AMPD3: variants seen among roughly 807,000 people sequenced by gnomAD.
AMPD3 encodes the protein AMP deaminase 3.
In AMPD3, 57 loss-of-function variants were observed where a neutral mutation model predicts 82.3. The ratio of observed to expected loss-of-function variants is 0.69; its 90% CI spans 0.56 to 0.86. The LOEUF is 0.86. Among genes scored for constraint, AMPD3 ranks in the 40% least tolerant of loss-of-function variants. The pLI is 0.00. For missense variants in AMPD3, 870 were observed against 1,003.8 expected, an observed-to-expected ratio of 0.87 and a Z score of 1.80; for synonymous variants, 381 against 394.7, an observed-to-expected ratio of 0.97 and a Z score of 0.41.
chr11:10,485,961 A>C (rs964825025), intron 5 of AMPD3, among the ~76,000 whole-genome samples: 1 of 151,884 alleles, frequency 6.6e-6, no homozygotes, highest in African/African-American at 2.4e-5. Flanking sequence ...GTCACTCCTG[A>C]GGACCTTCTC....
chr11:10,500,503 C>A, intron 11 of AMPD3: 1 of 703,806 alleles, frequency 1.4e-6, no homozygotes, highest in South Asian at 6.4e-5. Context: ...ATGTCATGTA[C>A]AGTATGCAAT....
chr11:10,465,487 G>A (rs112885985), intron 2 of AMPD3, among the ~76,000 whole-genome samples: 6 of 152,254 alleles, frequency 3.9e-5, no homozygotes, highest in African/African-American at 1.4e-4. Context: ...GCAGAAGGGG[G>A]TGATTTCTGC....
intron 6 of AMPD3, among the ~76,000 whole-genome samples, chr11:10,490,056 C>T (rs1490885489): frequency 1.3e-5 from 2 of 152,114 alleles, no homozygotes; most frequent in East Asian, 1.9e-4. Flanking sequence ...GGATGATGGC[C>T]TCCGTATGTC....
At chr11:10,501,431 G>A (rs10840430) in intron 11 of AMPD3, 39 bp from the exon 12 acceptor site, 1 of 1,608,140 alleles carries the variant, frequency 6.2e-7, no homozygotes, top group South Asian at 1.1e-5. Flanking sequence ...GAGCCAACTG[G>A]GGGGGGCCTT....
intron 1 of AMPD3, among the ~76,000 whole-genome samples, chr11:10,459,749 C>T (rs55931228): frequency 0.15 from 23,496 of 151,846 alleles, 2,104 homozygotes; most frequent in Non-Finnish European, 0.2. Flanking sequence ...AGCCCCTGCC[C>T]GGACACATAC....
chr11:10,494,464 A>G, intron 7 of AMPD3: 1 of 745,964 alleles, frequency 1.3e-6, no homozygotes, highest in Non-Finnish European at 1.6e-6. Flanking sequence ...TATGGTTAAA[A>G]ATGGTTGAAA....
chr11:10,498,103 C>T (rs1849472065), intron 10 of AMPD3, among the ~76,000 whole-genome samples: 2 of 152,218 alleles, frequency 1.3e-5, no homozygotes, highest in African/African-American at 4.8e-5. Context: ...TACCCTGAAC[C>T]CCTATTCTAT....
intron 1 of AMPD3, chr11:10,460,958 AG>A: frequency 1.0e-6 from 1 of 985,366 alleles, no homozygotes; most frequent in Non-Finnish European, 1.2e-6. Flanking sequence ...GAGGTTCCAG[AG>A]GGTTTGGAAC....
intron 6 of AMPD3, among the ~76,000 whole-genome samples, chr11:10,491,298 T>C (rs1849234047): frequency 6.6e-6 from 1 of 152,170 alleles, no homozygotes; most frequent in South Asian, 2.1e-4. Flanking sequence ...ATCCCTCAGC[T>C]TAGCTGGGGC....
intron 2 of AMPD3, among the ~76,000 whole-genome samples, chr11:10,462,707 G>C (rs1442525932): frequency 6.6e-6 from 1 of 152,162 alleles, no homozygotes; most frequent in African/African-American, 2.4e-5. Context: ...GATGAATAAG[G>C]ATGAGATGGG....
In AMPD3 at chr11:10,500,836, A is replaced by G. The variant is rs957447243; in HGVS notation, c.1721+587A>G. 3.0e-6 allele frequency: 3 copies of G among 985,318 alleles called. No individual in the cohort carries two copies. In the African/African-American group the frequency reaches 5.2e-5, roughly 17 times the overall value. The allele number at this position is 985,318 out of a possible 1,614,324, so 61.0% of individuals were successfully genotyped here. ...ACACGTGGCCAGGAGTTAGCTGCCC[A>G]GGGCAGCAGGACACTGAGCCATTCC... On this transcript the variant is annotated intron_variant, in intron 11 of 14. Coordinates refer to ENST00000396553, the MANE Select transcript of AMPD3 (RefSeq NM_001025389.2).
At chr11:10,496,742 T>C (rs1466426) in intron 9 of AMPD3, 70 bp from the exon 10 acceptor site, 1,318,999 of 1,611,762 alleles carry the variant, frequency 0.82, 546,035 homozygotes, top group East Asian at 0.93. Context: ...AGGAAGTGAC[T>C]GGGGCTGGTC....
intron 13 of AMPD3, 151 bp downstream of exon 13, chr11:10,503,045 G>T (rs1038692268): frequency 7.8e-6 from 7 of 895,952 alleles, no homozygotes; most frequent in African/African-American, 1.7e-5. Context: ...ACTGTTGGGG[G>T]AAAATTGTGC....
Position 10,506,192 on chromosome 11 carries a change from T to A in AMPD3, c.*308T>A. The A allele has an allele frequency of 2.5e-6, 1 of 393,632 alleles. No individual in the cohort carries two copies. The allele number at this position is 393,632 out of a possible 1,614,324, so 24.4% of individuals were successfully genotyped here. A position where few individuals can be genotyped will look rare whatever the true frequency, so the allele number is the denominator to read the frequency against. ...TGCCTGAACTGTTGGGGCCAGGATTTTCCCTGGTCAGATGCCAAGTAACAT... is the reference window on the plus strand; with the variant it reads ...TGCCTGAACTGTTGGGGCCAGGATTATCCCTGGTCAGATGCCAAGTAACAT... On this transcript the variant is annotated 3_prime_UTR_variant, in exon 15 of 15. Coordinates refer to ENST00000396553, the MANE Select transcript of AMPD3 (RefSeq NM_001025389.2). This position sits in a 1 kb window ranked among gnomAD's most constrained non-coding sequence, Gnocchi z 4.1.
intron 12 of AMPD3, 58 bp from the exon 13 acceptor site, chr11:10,502,663 C>T: frequency 1.9e-6 from 3 of 1,604,148 alleles, no homozygotes; most frequent in Non-Finnish European, 2.6e-6. Flanking sequence ...TTCTCCCTTC[C>T]CTTTTCCCTT....
chr11:10,501,254 A>G (rs1849571740), intron 11 of AMPD3: 1 of 984,780 alleles, frequency 1.0e-6, no homozygotes, highest in Non-Finnish European at 1.2e-6. Flanking sequence ...TGCGAGGCCC[A>G]CTCTCTGCCC....
chr11:10,489,886 G>T (rs1005862953), intron 6 of AMPD3, among the ~76,000 whole-genome samples: 3 of 152,102 alleles, frequency 2.0e-5, no homozygotes, highest in African/African-American at 4.8e-5. Context: ...TTGCCATATT[G>T]CCCAGGCTGG....
At chr11:10,504,322 G>A (rs1204094232) in intron 13 of AMPD3, 6 of 673,348 alleles carry the variant, frequency 8.9e-6, no homozygotes, top group Non-Finnish European at 1.1e-5. Context: ...CTCAGTGCTG[G>A]TCAATGAATA....
intron 1 of AMPD3, among the ~76,000 whole-genome samples, chr11:10,459,061 C>G (rs766702284): frequency 2.6e-5 from 4 of 152,110 alleles, no homozygotes. Context: ...CCAGCTTCCC[C>G]CCTCTCTGCT....
Sources: allele counts gnomAD v4.1 joint callset (sites outside exome capture counted in the v4.1 genomes callset), GRCh38; gene constraint gnomAD v4.1.1; non-coding constraint Gnocchi (gnomAD v3.1); transcripts MANE v1.5; gene names NCBI Gene and HGNC (gene_info 2026-07-23, HGNC 2026-07-21).